TMEM101: variants seen among roughly 807,000 people sequenced by gnomAD.
The protein encoded by TMEM101 is transmembrane protein 101, also known as putative NF-kappa-B-activating protein 130.
Under a neutral mutation model 26.0 loss-of-function variants are expected in TMEM101, and 14 were observed. The ratio of observed to expected loss-of-function variants is 0.54; its 90% confidence interval spans 0.36 to 0.84. The LOEUF (loss-of-function observed/expected upper bound fraction) is 0.84. Ranked by LOEUF, TMEM101 falls within the 40% of genes least tolerant of loss-of-function variation. The pLI is 0.01. For synonymous variants in TMEM101, 152 were observed against 145.1 expected (o/e 1.05, Z -0.34); for missense variants, 292 against 345.1 (o/e 0.85, Z 1.22).
At chr17:44,016,340 TTTTTA>T (rs1427644357), upstream of TMEM101, among the ~76,000 whole-genome samples, 4 of 152,190 alleles carry the variant, frequency 2.6e-5, no homozygotes, top group East Asian at 7.7e-4. Flanking sequence ...ACCCGGCTAA[TTTTTA>T]TTTTTAGTGG....
chr17:44,011,666 T>C lies in TMEM101; in HGVS notation c.*262A>G. The C allele has an allele frequency of 2.1e-6, 1 of 486,680 alleles. No homozygotes were observed. Among genetic ancestry groups the C allele is most frequent in the Middle Eastern group, 5.6e-4 (1 of 1,770 alleles). 30.1% of individuals were successfully genotyped at this position (486,680 alleles called of 1,614,324 possible). A position where few individuals can be genotyped will look rare whatever the true frequency, so the allele number is the denominator to read the frequency against. Reference sequence around the variant, plus strand: ...TACTCCCTTCTCAGGGACAGGAGACTCAGTGGGCAGCTGGCCTCAGCTCTC... The same window carrying C: ...TACTCCCTTCTCAGGGACAGGAGACCCAGTGGGCAGCTGGCCTCAGCTCTC... On this transcript the variant is annotated 3_prime_UTR_variant, in exon 4 of 4. Transcript: ENST00000206380.
intron 1 of TMEM101, among the ~76,000 whole-genome samples, chr17:44,022,497 T>A (rs2049294281): frequency 6.6e-6 from 1 of 152,244 alleles, no homozygotes; most frequent in Non-Finnish European, 1.5e-5. Context: ...ATTTTCCTTT[T>A]CCAGCTTACA....
Position 44,014,894 on chromosome 17 carries a change from G to A in TMEM101, c.59C>T (p.Ser20Leu). 6.2e-7 allele frequency: 1 copy of A among 1,614,076 alleles called. No homozygotes were observed. The stretch of plus-strand genomic sequence containing the variant: ...AAAGGGGCAGCGTGTGAGCAGCACC[G>A]AACCCAACTGCATGATCAGCTGCAA... ...WMLQLIMQLG[S>L]VLLTRCPFWG... Residue 20 changes from serine (S) to leucine (L), a missense_variant, in exon 1 of 4, where the codon TCG becomes TTG. By Grantham distance (145) the Ser-to-Leu change is moderately radical. This residue lies in a region of TMEM101 where 143 missense variants were observed against 133.2 expected (regional missense o/e 1.07). Coordinates refer to ENST00000206380, the MANE Select transcript of TMEM101 (RefSeq NM_032376.4).
upstream of TMEM101, among the ~76,000 whole-genome samples, chr17:44,018,267 T>C (rs943013170): frequency 1.6e-4 from 24 of 151,926 alleles, no homozygotes; most frequent in African/African-American, 1.9e-4. Flanking sequence ...TGAGGCTGCA[T>C]TGAGCTATGA....
upstream of TMEM101, chr17:44,015,092 G>A (rs1228173081): frequency 1.6e-5 from 20 of 1,229,432 alleles, no homozygotes; most frequent in Middle Eastern, 1.5e-3. Flanking sequence ...CGGATCTAAG[G>A]TGACCCAGTT....
intron 1 of TMEM101, chr17:44,022,920 G>A (rs535345852): frequency 5.7e-5 from 9 of 158,034 alleles, no homozygotes; most frequent in Non-Finnish European, 1.3e-4. Flanking sequence ...CATGTAAATG[G>A]CAATGCAGAT....
At chr17:44,012,806 C>T in intron 3 of TMEM101, 1 of 463,306 alleles carries the variant, frequency 2.2e-6, no homozygotes, top group East Asian at 3.3e-5. Flanking sequence ...CTCGTGGCAA[C>T]ACTGTTGGAG....
chr17:44,014,881 T>C lies in TMEM101; in HGVS notation c.72A>G (p.Thr24=). The C allele has an allele frequency of 6.2e-7, 1 of 1,614,038 alleles. No homozygotes were observed. The highest frequency in any genetic ancestry group is 1.3e-5 in the African/African-American group (1 of 75,062). ...LIMQLGSVLL[T]RCPFWGCFSQ... ...TGAAGCAGCCCCAAAAGGGGCAGCG[T>C]GTGAGCAGCACCGAACCCAACTGCA... The change falls in exon 1 of 4, where the codon ACA becomes ACG. Residue 24 remains threonine (T), a synonymous_variant. Coordinates refer to ENST00000206380, the MANE Select transcript of TMEM101 (RefSeq NM_032376.4).
rs1008829448 is a variant in TMEM101 at position 44,011,845 on chromosome 17, A to T, written c.*83T>A. On this transcript the variant is annotated 3_prime_UTR_variant, in exon 4 of 4. Transcript: ENST00000206380. The stretch of plus-strand genomic sequence containing the variant: ...AACAAACAGACCAAAAAGCATAAAT[A>T]AACAGCAGCTGGGCCAGCAAGGAGG... 7 of 1,380,410 alleles carry T rather than the reference A, an allele frequency of 5.1e-6. No individual in the cohort carries two copies. In the African/African-American group the frequency reaches 1.0e-4, roughly 20 times the overall value. The allele number at this position is 1,380,410 out of a possible 1,614,324, so 85.5% of individuals were successfully genotyped here. A position where few individuals can be genotyped will look rare whatever the true frequency, so the allele number is the denominator to read the frequency against.
At chr17:44,017,443 A>AT (rs1342800619), upstream of TMEM101, among the ~76,000 whole-genome samples, 1 of 148,572 alleles carries the variant, frequency 6.7e-6, no homozygotes, top group African/African-American at 2.5e-5. Context: ...ATACAAAAAA[A>AT]ATTAGCCAGG....
chr17:44,011,237 G>A lies in TMEM101; in HGVS notation c.*691C>T, dbSNP rs565154948. The A allele has an allele frequency of 1.3e-5, 2 of 152,348 alleles. No individual in the cohort carries two copies. The highest frequency in any genetic ancestry group is 4.8e-5 in the African/African-American group (2 of 41,564). The allele number at this position is 152,348 out of a possible 1,614,324, so 9.4% of individuals were successfully genotyped here. ...GGAGGACTGTGTGGTCTGGTGTTTG[G>A]GAGGGAACTCCACCCCCACCAGGCC... is the stretch of plus-strand genomic sequence containing the variant. On this transcript the variant is annotated 3_prime_UTR_variant, in exon 4 of 4. Coordinates refer to ENST00000206380, the MANE Select transcript of TMEM101 (RefSeq NM_032376.4).
upstream of TMEM101, among the ~76,000 whole-genome samples, chr17:44,018,310 G>A (rs929125885): frequency 4.4e-4 from 67 of 152,224 alleles, no homozygotes; most frequent in African/African-American, 1.6e-3. Context: ...GGGTGACAAA[G>A]CAAGACCCCC....
Position 44,013,067 on chromosome 17 carries a change from C to T in TMEM101, c.407G>A (p.Arg136His), listed in dbSNP as rs756067708. The change falls in exon 3 of 4, where the codon CGC becomes CAC. Residue 136 changes from arginine to histidine, a missense_variant. By Grantham distance (29) the Arg-to-His change is conservative. This residue lies in a region of TMEM101 where 149 missense variants were observed against 211.9 expected (regional missense o/e 0.70). Coordinates refer to ENST00000206380, the MANE Select transcript of TMEM101 (RefSeq NM_032376.4). Reference sequence around the variant, plus strand: ...GCCGGTGGACTGCAGGGAGCGGCTGCGAGGTTTCCGGCGGTACAGCTCCCC... The same window carrying T: ...GCCGGTGGACTGCAGGGAGCGGCTGTGAGGTTTCCGGCGGTACAGCTCCCC... Reference protein sequence around the residue: ...GAGELYRRKPRSRSLQSTGQV... With the variant: ...GAGELYRRKPHSRSLQSTGQV... The T allele has an allele frequency of 6.2e-6, 10 of 1,609,682 alleles. No homozygotes were observed. In the East Asian group the frequency reaches 8.9e-5, roughly 14 times the overall value.
At position 44,011,878 on chromosome 17, in the gene TMEM101, G is replaced by A. The variant is rs141204338; in HGVS notation, c.*50C>T. On this transcript the variant is annotated 3_prime_UTR_variant, in exon 4 of 4. Transcript: ENST00000206380. The stretch of plus-strand genomic sequence containing the variant: ...GCTGGGCCAGCAAGGAGGAAGGCAG[G>A]GTGACCCTCAGTGGCTCCCTGTGCC... 1.4e-4 allele frequency: 213 copies of A among 1,528,012 alleles called. No individual in the cohort carries two copies. In the East Asian group the frequency reaches 4.4e-3, roughly 31 times the overall value. 94.7% of individuals were successfully genotyped at this position (1,528,012 alleles called of 1,614,324 possible). A position where few individuals can be genotyped will look rare whatever the true frequency, so the allele number is the denominator to read the frequency against.
Position 44,014,468 on chromosome 17 carries a change from C to T in TMEM101, c.207G>A (p.Met69Ile). The T allele has an allele frequency of 1.9e-6, 3 of 1,563,698 alleles. No homozygotes were observed. In the African/African-American group the frequency reaches 4.0e-5, roughly 21 times the overall value. The stretch of plus-strand genomic sequence containing the variant: ...ACCAGCGCCGCTTCACGCCAAAGGA[C>T]ATGAAACTAGCGCACAGCACGGCTG... ...MGAAVLCASF[M>I]SFGVKRRWFA... The change falls in exon 2 of 4, where the codon ATG becomes ATA. Residue 69 changes from methionine to isoleucine, a missense_variant. Coordinates refer to ENST00000206380, the MANE Select transcript of TMEM101 (RefSeq NM_032376.4).
intron 1 of TMEM101, 22 bp downstream of exon 1, chr17:44,014,794 G>A: frequency 6.5e-7 from 1 of 1,539,352 alleles, no homozygotes; most frequent in African/African-American, 1.4e-5. Flanking sequence ...GCCGCGTTTA[G>A]CGGCTGCGTA....
chr17:44,012,281 C>G, intron 3 of TMEM101, 45 bp from the exon 4 acceptor site: 1 of 1,555,658 alleles, frequency 6.4e-7, no homozygotes, highest in Non-Finnish European at 8.7e-7. Flanking sequence ...GGCTCAGAAG[C>G]CTGTCTGGGG....
chr17:44,017,137 TGA>T (rs1282012623), upstream of TMEM101, among the ~76,000 whole-genome samples: 5 of 121,898 alleles, frequency 4.1e-5, no homozygotes, highest in South Asian at 3.2e-4. Context: ...GGCGACAGAT[TGA>T]GAGACTCTGT....
At chr17:44,013,176 C>T in intron 2 of TMEM101, 21 bp from the exon 3 acceptor site, 1 of 1,517,132 alleles carries the variant, frequency 6.6e-7, no homozygotes, top group Non-Finnish European at 8.9e-7. Context: ...GTAAGGGGAC[C>T]CCAGTCAAGA....
Sources: allele counts gnomAD v4.1 joint callset (sites outside exome capture counted in the v4.1 genomes callset), GRCh38; gene constraint gnomAD v4.1.1; regional missense constraint gnomAD v4.1.1; transcripts MANE v1.5; gene names NCBI Gene and HGNC (gene_info 2026-07-23, HGNC 2026-07-21).